RC3H1: variants seen among roughly 807,000 people sequenced by gnomAD.
RC3H1 encodes ring finger and CCCH-type domains 1.
RC3H1 carries 50 observed loss-of-function variants against 138.2 expected under a neutral mutation model. That is an observed-to-expected ratio of 0.36 (90% CI 0.29 to 0.46). RC3H1 has a LOEUF of 0.46. Ranked by LOEUF, RC3H1 falls within the 20% of genes least tolerant of loss-of-function variation. The probability of loss-of-function intolerance (pLI) is 1.00; values close to 1 mark genes in which losing one functional copy is unlikely to be tolerated. For missense variants in RC3H1, 1,031 were observed against 1,388.1 expected (o/e 0.74, Z 4.09); for synonymous variants, 462 against 489.1 (o/e 0.94, Z 0.73).
At chr1:173,956,873 T>C (rs1229431698) in intron 13 of RC3H1, among the ~76,000 whole-genome samples, 1 of 152,096 alleles carries the variant, frequency 6.6e-6, no homozygotes, top group East Asian at 1.9e-4. Context: ...TTCTATAATG[T>C]ATGAATTTAG....
chr1:173,981,963 T>C lies in RC3H1; in HGVS notation c.768+764A>G, dbSNP rs1339107989. Among the ~76,000 whole-genome samples the C allele has an allele frequency of 2.6e-5, 4 of 152,092 alleles. No individual in the cohort carries two copies. In the East Asian group the frequency reaches 7.7e-4, roughly 29 times the overall value. The stretch of plus-strand genomic sequence containing the variant: ...AAATGATACATAGTGAGTAGCAATG[T>C]TTGAGGCGGTGCTTATTCAATTTGG... On this transcript the variant is annotated intron_variant, in intron 5 of 19. Coordinates refer to ENST00000367696, the MANE Select transcript of RC3H1 (RefSeq NM_172071.4).
chr1:173,983,004 A>T, intron 4 of RC3H1, 102 bp from the exon 5 acceptor site: 1 of 1,038,934 alleles, frequency 9.6e-7, no homozygotes, highest in Non-Finnish European at 1.4e-6. Flanking sequence ...CTATTCAATT[A>T]ACTGGCAATA....
intron 9 of RC3H1, among the ~76,000 whole-genome samples, chr1:173,968,839 T>C (rs13353004): frequency 0.011 from 1,725 of 151,666 alleles, 43 homozygotes; most frequent in African/African-American, 0.04. Context: ...GCATTTCTGT[T>C]GTATTAAGGA....
chr1:173,992,402 C>A (rs1041549189), intron 2 of RC3H1, among the ~76,000 whole-genome samples: 5 of 152,010 alleles, frequency 3.3e-5, no homozygotes, highest in Admixed American at 1.3e-4. Flanking sequence ...CCGCCTTGGC[C>A]CTCCCAAAGT....
rs773365344 is a variant in RC3H1, at chr1:173,964,984, G to T, written c.1471C>A (p.Pro491Thr). 1.2e-5 allele frequency: 19 copies of T among 1,613,998 alleles called. No individual in the cohort carries two copies. Among genetic ancestry groups the T allele is most frequent in the Middle Eastern group, 1.6e-4 (1 of 6,084 alleles). ...GATACAATTCCATTTGGCAGAGCAG[G>T]AGGTTTTCTGCTAGGGAGATCCACT... Reference protein sequence around the residue: ...GAVDLPSRKPPALPNGIVSTG... With the variant: ...GAVDLPSRKPTALPNGIVSTG... Residue 491 changes from proline to threonine, a missense_variant, in exon 10 of 20, where the codon CCT becomes ACT. Transcript: ENST00000367696.
chr1:173,989,771 T>C (rs1297836797), intron 2 of RC3H1, among the ~76,000 whole-genome samples: 3 of 145,364 alleles, frequency 2.1e-5, no homozygotes, highest in Non-Finnish European at 4.5e-5. Context: ...CCAGGCCGGA[T>C]TGCGGACTGC....
intron 7 of RC3H1, among the ~76,000 whole-genome samples, chr1:173,975,216 C>T (rs1377934661): frequency 1.3e-5 from 2 of 152,108 alleles, no homozygotes; most frequent in African/African-American, 4.8e-5. Flanking sequence ...CTGTCTCAGC[C>T]TCCCAAGTAG....
rs1474739896 is a variant in RC3H1 at position 173,961,727 on chromosome 1, T to C, written c.2200A>G (p.Arg734Gly). 1.9e-6 allele frequency: 3 copies of C among 1,608,930 alleles called. No individual in the cohort carries two copies. Among genetic ancestry groups the C allele is most frequent in the Non-Finnish European group, 2.5e-6 (3 of 1,178,018 alleles). Reference protein sequence around the residue: ...HPTQIRPSYLREPPYSRLPPP... With the variant: ...HPTQIRPSYLGEPPYSRLPPP... ...TAATAAAAAAAAATACAGCATACTCTGAGGTACGAAGGTCTGATCTGAGTT... is the reference window on the plus strand; with the variant it reads ...TAATAAAAAAAAATACAGCATACTCCGAGGTACGAAGGTCTGATCTGAGTT... Residue 734 changes from arginine (R) to glycine (G), a missense_variant and splice_region_variant, in exon 12 of 20, where the codon AGA becomes GGA. By Grantham distance (125) the Arg-to-Gly change is moderately radical (BLOSUM62 -2). Coordinates refer to ENST00000367696, the MANE Select transcript of RC3H1 (RefSeq NM_172071.4).
chr1:173,975,359 G>C (rs551932315), intron 7 of RC3H1, among the ~76,000 whole-genome samples: 6 of 152,168 alleles, frequency 3.9e-5, no homozygotes, highest in African/African-American at 1.2e-4. Flanking sequence ...CTCCCAAAGT[G>C]CTGGGATTAC....
chr1:173,976,491 C>T (rs1660590697), intron 7 of RC3H1, among the ~76,000 whole-genome samples: 1 of 150,980 alleles, frequency 6.6e-6, no homozygotes, highest in South Asian at 2.1e-4. Context: ...AAATCAAGTA[C>T]AGTAAGAACT....
chr1:173,972,759 C>A, intron 7 of RC3H1, 132 bp from the exon 8 acceptor site: 1 of 633,968 alleles, frequency 1.6e-6, no homozygotes, highest in Admixed American at 2.6e-5. Flanking sequence ...TAGATAATAG[C>A]TTATTCACCT....
intron 13 of RC3H1, among the ~76,000 whole-genome samples, chr1:173,956,667 T>TAAAAAAAAA (rs75866304): frequency 1.3e-4 from 11 of 84,768 alleles, no homozygotes; most frequent in African/African-American, 1.3e-4. Flanking sequence ...CTCAAAAAAT[T>TAAAAAAAAA]AAAAAAAAAA....
rs1011076678 is a variant in RC3H1, at chr1:173,990,006, G to A, written c.231+2749C>T. 1.6e-4 allele frequency among the ~76,000 whole-genome samples: 24 copies of A among 151,856 alleles called. No individual in the cohort carries two copies. The East Asian group carries it at 1.9e-3, about 12-fold the overall frequency. On this transcript the variant is annotated intron_variant, in intron 2 of 19. Coordinates refer to ENST00000367696, the MANE Select transcript of RC3H1 (RefSeq NM_172071.4). ...CTCCCAAAGTGCTGGGATTACAGGC[G>A]TGAGCCACCGCGCCCGGCCTATTCA...
chr1:173,992,998 T>G lies in RC3H1; in HGVS notation c.-13A>C. The G allele has an allele frequency of 6.4e-7, 1 of 1,572,874 alleles. No individual in the cohort carries two copies. Among genetic ancestry groups the G allele is most frequent in the Non-Finnish European group, 8.7e-7 (1 of 1,143,172 alleles). ...CTTGTACAGGCATTGCTTCTGGAGT[T>G]ACAATTCACGAACACAAACACACAC... On this transcript the variant is annotated 5_prime_UTR_variant, in exon 2 of 20. Transcript: ENST00000367696.
chr1:173,982,579 C>A, intron 5 of RC3H1, 148 bp downstream of exon 5: 1 of 545,128 alleles, frequency 1.8e-6, no homozygotes, highest in African/African-American at 1.9e-5. Flanking sequence ...TAATAAGACC[C>A]CATCTACATT....
chr1:174,003,362 G>T (rs188698892), intron 1 of RC3H1, among the ~76,000 whole-genome samples: 1 of 148,674 alleles, frequency 6.7e-6, no homozygotes, highest in Non-Finnish European at 1.5e-5. Context: ...ACTCCAGCCT[G>T]GGCAACAAGA....
At chr1:173,995,433 C>G (rs1320341720) in intron 1 of RC3H1, among the ~76,000 whole-genome samples, 5 of 150,994 alleles carry the variant, frequency 3.3e-5, no homozygotes, top group African/African-American at 1.2e-4. Flanking sequence ...ACTTGGGAGG[C>G]TGAGGCAGGA....
intron 9 of RC3H1, among the ~76,000 whole-genome samples, chr1:173,968,677 G>A (rs1660220846): frequency 6.6e-6 from 1 of 151,798 alleles, no homozygotes; most frequent in African/African-American, 2.4e-5. Context: ...AAATAACAGT[G>A]GTAGAAAATT....
chr1:174,018,720 C>T (rs901980146), intron 1 of RC3H1, among the ~76,000 whole-genome samples: 1 of 152,168 alleles, frequency 6.6e-6, no homozygotes, highest in Non-Finnish European at 1.5e-5. Flanking sequence ...TGAACCCAAT[C>T]CTGCAGAATA....
Sources: allele counts gnomAD v4.1 joint callset (sites outside exome capture counted in the v4.1 genomes callset), GRCh38; gene constraint gnomAD v4.1.1; transcripts MANE v1.5; gene names NCBI Gene and HGNC (gene_info 2026-07-23, HGNC 2026-07-21).